IGF1R: variants seen among roughly 807,000 people sequenced by gnomAD.
IGF1R encodes insulin-like growth factor 1 receptor.
Under a neutral mutation model 144.6 loss-of-function variants are expected in IGF1R, and 44 were observed. The ratio of observed to expected loss-of-function variants is 0.30; its 90% CI spans 0.24 to 0.39. IGF1R has a LOEUF of 0.39. Among genes scored for constraint, IGF1R ranks in the 10% least tolerant of loss-of-function variants. The pLI is 1.00. For synonymous variants in IGF1R, 795 were observed against 722.8 expected, an observed-to-expected ratio of 1.10 and a Z score of -1.60; for missense variants, 1,355 against 1,833.7, an observed-to-expected ratio of 0.74 and a Z score of 4.77.
intron 2 of IGF1R, among the ~76,000 whole-genome samples, chr15:98,712,619 T>G (rs995076685): frequency 4.4e-4 from 67 of 151,894 alleles, no homozygotes; most frequent in African/African-American, 1.6e-3. Context: ...GCACTTTTTT[T>G]TTTTTTGGAG....
Position 98,891,165 on chromosome 15 carries a change from TG to T in IGF1R, c.641-155del, listed in dbSNP as rs1193999156. Among the ~76,000 whole-genome samples, 1 of 151,922 alleles carries T rather than the reference TG, an allele frequency of 6.6e-6. No homozygotes were observed. Among genetic ancestry groups the T allele is most frequent in the Admixed American group, 6.6e-5 (1 of 15,262 alleles). On this transcript the variant is annotated intron_variant, in intron 2 of 20. Transcript: ENST00000650285. The surrounding 1 kb of genome is among the most constrained non-coding windows in gnomAD (Gnocchi z 4.7). The stretch of plus-strand genomic sequence containing the variant: ...GTCTAAGTGGATGAAAGGACAGTGG[TG>T]GGGGTGAGGATTTCGTAGTGTGTTT...
chr15:98,849,011 T>C (rs2011446206), intron 2 of IGF1R, among the ~76,000 whole-genome samples: 1 of 152,188 alleles, frequency 6.6e-6, no homozygotes, highest in African/African-American at 2.4e-5. Context: ...CTCCGTAAGT[T>C]TTTCAATTTA....
intron 2 of IGF1R, among the ~76,000 whole-genome samples, chr15:98,841,409 T>A (rs1251048063): frequency 2.0e-5 from 3 of 152,250 alleles, no homozygotes; most frequent in Non-Finnish European, 4.4e-5. Context: ...ACTGAGTTAC[T>A]ATACGTAAAG....
intron 2 of IGF1R, among the ~76,000 whole-genome samples, chr15:98,813,080 G>A (rs1490943353): frequency 6.6e-6 from 1 of 152,122 alleles, no homozygotes; most frequent in Non-Finnish European, 1.5e-5. Flanking sequence ...GGCCTTGGCA[G>A]TTTTGATCTA....
At chr15:98,722,716 G>A (rs1488300700) in intron 2 of IGF1R, among the ~76,000 whole-genome samples, 2 of 152,170 alleles carry the variant, frequency 1.3e-5, no homozygotes, top group African/African-American at 4.8e-5. Flanking sequence ...TCTACTTTGT[G>A]CCTGTTTAAA....
At chr15:98,850,224 T>A (rs1411358504) in intron 2 of IGF1R, among the ~76,000 whole-genome samples, 1 of 152,222 alleles carries the variant, frequency 6.6e-6, no homozygotes, top group Non-Finnish European at 1.5e-5. Flanking sequence ...GTCTGTGTGA[T>A]AGTAGCTGGC....
At chr15:98,855,774 G>C (rs1006164552) in intron 2 of IGF1R, among the ~76,000 whole-genome samples, 2 of 152,214 alleles carry the variant, frequency 1.3e-5, no homozygotes, top group Admixed American at 1.3e-4. Flanking sequence ...GCCCCTTAAA[G>C]GCAGTTGTCT....
chr15:98,887,921 C>T (rs1038912263), intron 2 of IGF1R, among the ~76,000 whole-genome samples: 6 of 152,206 alleles, frequency 3.9e-5, no homozygotes, highest in Non-Finnish European at 7.3e-5. Flanking sequence ...TCCATGGTTT[C>T]GTATTATCCA....
At chr15:98,934,531 G>A (rs2016069230) in intron 15 of IGF1R, among the ~76,000 whole-genome samples, 1 of 152,098 alleles carries the variant, frequency 6.6e-6, no homozygotes, top group Admixed American at 6.5e-5. Flanking sequence ...AAAACCAACT[G>A]CTTTCTTTCC....
At chr15:98,863,033 A>G (rs545685585) in intron 2 of IGF1R, among the ~76,000 whole-genome samples, 56 of 152,246 alleles carry the variant, frequency 3.7e-4, no homozygotes, top group Middle Eastern at 6.8e-3. Context: ...GATCCAAGAG[A>G]CGATCCTACC....
chr15:98,727,045 A>G (rs2054378886), intron 2 of IGF1R, among the ~76,000 whole-genome samples: 1 of 152,070 alleles, frequency 6.6e-6, no homozygotes, highest in African/African-American at 2.4e-5. Flanking sequence ...CATGTGTGGA[A>G]CAAAACTTTG....
At chr15:98,651,059 C>T in intron 1 of IGF1R, 1 of 985,364 alleles carries the variant, frequency 1.0e-6, no homozygotes, top group Non-Finnish European at 1.2e-6. Context: ...AGAACTGGGA[C>T]TGGGAACGGT....
chr15:98,879,113 C>G (rs1356011803), intron 2 of IGF1R, among the ~76,000 whole-genome samples: 2 of 152,214 alleles, frequency 1.3e-5, no homozygotes, highest in African/African-American at 2.4e-5. Flanking sequence ...CCGGTCCAGC[C>G]TGGATTTCAC....
chr15:98,941,690 AAT>A (rs2016371627), intron 18 of IGF1R, among the ~76,000 whole-genome samples: 4 of 152,262 alleles, frequency 2.6e-5, no homozygotes, highest in Non-Finnish European at 5.9e-5. Context: ...TATGACAAGT[AAT>A]TTTACCAGAG....
At chr15:98,937,107 A>G (rs1323657986) in intron 17 of IGF1R, among the ~76,000 whole-genome samples, 1 of 152,086 alleles carries the variant, frequency 6.6e-6, no homozygotes, top group Non-Finnish European at 1.5e-5. Context: ...GCTGGTCTTG[A>G]ACTCCTGACC....
chr15:98,868,851 C>T (rs1428214307), intron 2 of IGF1R, among the ~76,000 whole-genome samples: 1 of 152,188 alleles, frequency 6.6e-6, no homozygotes, highest in East Asian at 1.9e-4. Flanking sequence ...TTCATTCTTC[C>T]CTTCCCTGCT....
chr15:98,860,358 T>C (rs547722906), intron 2 of IGF1R, among the ~76,000 whole-genome samples: 1 of 152,350 alleles, frequency 6.6e-6, no homozygotes, highest in African/African-American at 2.4e-5. Flanking sequence ...TTAGTAGATT[T>C]TGAACTCCGT....
At chr15:98,855,353 A>G (rs2011749415) in intron 2 of IGF1R, among the ~76,000 whole-genome samples, 1 of 152,148 alleles carries the variant, frequency 6.6e-6, no homozygotes, top group African/African-American at 2.4e-5. Flanking sequence ...AAGTAGTAAT[A>G]CCTTTTCCTT....
At chr15:98,843,960 T>G (rs1437695300) in intron 2 of IGF1R, among the ~76,000 whole-genome samples, 2 of 152,200 alleles carry the variant, frequency 1.3e-5, no homozygotes, top group South Asian at 2.1e-4. Context: ...CTGCTTCCTT[T>G]TGTTTGTTTG....
Sources: allele counts gnomAD v4.1 joint callset (sites outside exome capture counted in the v4.1 genomes callset), GRCh38; gene constraint gnomAD v4.1.1; non-coding constraint Gnocchi (gnomAD v3.1); transcripts MANE v1.5; gene names NCBI Gene and HGNC (gene_info 2026-07-23, HGNC 2026-07-21).